ZNF518A: variants seen among roughly 807,000 people sequenced by gnomAD.
ZNF518A encodes the protein zinc finger protein 518.
In ZNF518A, 47 loss-of-function variants were observed where a neutral mutation model predicts 102.7. The ratio of observed to expected loss-of-function variants is 0.46; its 90% CI spans 0.36 to 0.58. The LOEUF (loss-of-function observed/expected upper bound fraction) is 0.58, where lower values mean the gene tolerates loss of function less well. ZNF518A is among the 20% of genes least tolerant of loss of function. The pLI, the probability that ZNF518A is intolerant of heterozygous loss-of-function variation, is 0.00. For missense variants in ZNF518A, 1,793 were observed against 1,699.8 expected (o/e 1.05, Z -0.96); for synonymous variants, 652 against 594.6 (o/e 1.10, Z -1.40).
Position 96,157,380 on chromosome 10 carries a change from A to G in ZNF518A, c.1058A>G (p.Lys353Arg), listed in dbSNP as rs781905413. 1.2e-6 allele frequency: 2 copies of G among 1,611,440 alleles called. No homozygotes were observed. The change falls in exon 6 of 6, where the codon AAA (lysine) becomes AGA (arginine). Residue 353 changes from lysine (K) to arginine (R), a missense_variant. By Grantham distance (26) the Lys-to-Arg change is conservative. Transcript: ENST00000316045. ...ACTCAAGTGCTTAAGAAAATGAACA[A>G]AACACAGACTAAATCTGAAGACCAG... ...KNTQVLKKMN[K>R]TQTKSEDQSH...
At chr10:96,131,674 C>A (rs1219960708) in intron 1 of ZNF518A, among the ~76,000 whole-genome samples, 1 of 152,138 alleles carries the variant, frequency 6.6e-6, no homozygotes, top group Non-Finnish European at 1.5e-5. Context: ...CGTTTTATAT[C>A]TGGTTTTATG....
At chr10:96,132,478 G>GTTTTTTTTTTTTTT (rs377722008) in intron 1 of ZNF518A, 108 bp from the exon 2 acceptor site, 4 of 130,664 alleles carry the variant, frequency 3.1e-5, no homozygotes, top group Admixed American at 7.7e-5. Context: ...TTTTTTCTTA[G>GTTTTTTTTTTTTTT]TTTTTTTTTT....
In ZNF518A at chr10:96,191,044, G is replaced by A. The variant is rs896522682; in HGVS notation, n.36-12530G>A. On this transcript the variant is annotated intron_variant and non_coding_transcript_variant, in intron 1 of 2. Coordinates refer to the ZNF518A transcript ENST00000442635. ...ACCTGGTGGGAGGTAACTGAATCACGCGGGCAGGTTTTCCCATGTTGTTGT... is the reference window on the plus strand; with the variant it reads ...ACCTGGTGGGAGGTAACTGAATCACACGGGCAGGTTTTCCCATGTTGTTGT... Among the ~76,000 whole-genome samples, 11 of 152,174 alleles carry A rather than the reference G, an allele frequency of 7.2e-5. No individual in the cohort carries two copies. In the East Asian group the frequency reaches 7.7e-4, roughly 11 times the overall value.
At chr10:96,141,209 T>C (rs2081907232) in intron 3 of ZNF518A, among the ~76,000 whole-genome samples, 1 of 152,336 alleles carries the variant, frequency 6.6e-6, no homozygotes, top group South Asian at 2.1e-4. Context: ...AGGAAGCTTA[T>C]AAATTATCTG....
intron 1 of ZNF518A, among the ~76,000 whole-genome samples, chr10:96,172,054 T>C (rs2083176777): frequency 6.6e-6 from 1 of 152,140 alleles, no homozygotes; most frequent in African/African-American, 2.4e-5. Flanking sequence ...AAAATGGATA[T>C]TTCAAATAAG....
intron 1 of ZNF518A, among the ~76,000 whole-genome samples, chr10:96,195,760 T>G (rs2083449710): frequency 6.6e-6 from 1 of 152,234 alleles, no homozygotes; most frequent in African/African-American, 2.4e-5. Flanking sequence ...ATTACTGAGC[T>G]GTACACTTAA....
chr10:96,189,530 T>A, intron 1 of ZNF518A: 2 of 655,680 alleles, frequency 3.1e-6, no homozygotes, highest in Non-Finnish European at 5.6e-6. Context: ...TAGGCCCTTT[T>A]GGTGTTTTAC....
intron 1 of ZNF518A, among the ~76,000 whole-genome samples, chr10:96,202,772 C>A (rs2083679567): frequency 6.6e-6 from 1 of 152,196 alleles, no homozygotes; most frequent in Admixed American, 6.5e-5. Flanking sequence ...GTGGTTTCTG[C>A]AGTTCTGGCA....
chr10:96,191,875 A>G, intron 1 of ZNF518A: 3 of 1,501,094 alleles, frequency 2.0e-6, no homozygotes, highest in Non-Finnish European at 2.8e-6. Context: ...TTACTGGATG[A>G]TTCATAATCC....
intron 1 of ZNF518A, among the ~76,000 whole-genome samples, chr10:96,173,493 A>G (rs1453340660): frequency 1.3e-5 from 2 of 152,332 alleles, no homozygotes; most frequent in Non-Finnish European, 2.9e-5. Flanking sequence ...GGGATGAAAC[A>G]ACAAGAATTT....
In ZNF518A at chr10:96,130,463, T is replaced by A. The variant is rs2081270609; in HGVS notation, c.-742T>A. Among the ~76,000 whole-genome samples, 1 of 152,228 alleles carries A rather than the reference T, an allele frequency of 6.6e-6. No homozygotes were observed. Reference sequence around the variant, plus strand: ...GGAGCTGGGTGGGAGTAGGAGACGGTGTGCCTCCGCGCTCCCCGCGGGGCA... The same window carrying A: ...GGAGCTGGGTGGGAGTAGGAGACGGAGTGCCTCCGCGCTCCCCGCGGGGCA... On this transcript the variant is annotated 5_prime_UTR_variant, in exon 1 of 6. Transcript: ENST00000316045.
chr10:96,201,928 G>T (rs1175522863), intron 1 of ZNF518A, among the ~76,000 whole-genome samples: 2 of 152,140 alleles, frequency 1.3e-5, no homozygotes, highest in Admixed American at 6.5e-5. Flanking sequence ...GGTCATAAAT[G>T]CTATGAAGAA....
At chr10:96,170,085 T>C (rs587677069) in intron 1 of ZNF518A, among the ~76,000 whole-genome samples, 3 of 152,334 alleles carry the variant, frequency 2.0e-5, no homozygotes, top group South Asian at 2.1e-4. Flanking sequence ...TGTGAGAGTT[T>C]AGTGCCTTCT....
Position 96,134,032 on chromosome 10 carries a change from T to G in ZNF518A, c.-302+384T>G, listed in dbSNP as rs2081473975. Among the ~76,000 whole-genome samples the G allele has an allele frequency of 3.9e-5, 6 of 152,228 alleles. No individual in the cohort carries two copies. The South Asian group carries it at 1.2e-3, about 31-fold the overall frequency. The stretch of plus-strand genomic sequence containing the variant: ...GAATGCTAAGAATTTTCCTAAAGGT[T>G]GAGCATCCCAAATCTAAAAGCCTGA... On this transcript the variant is annotated intron_variant, in intron 3 of 5. Coordinates refer to ENST00000316045, the MANE Select transcript of ZNF518A (RefSeq NM_001330736.2).
chr10:96,182,563 G>A (rs1482376894), intron 1 of ZNF518A, among the ~76,000 whole-genome samples: 1 of 152,132 alleles, frequency 6.6e-6, no homozygotes, highest in Non-Finnish European at 1.5e-5. Context: ...TTTGTTGCAG[G>A]CCTTTTCTGC....
Position 96,157,685 on chromosome 10 carries a change from C to T in ZNF518A, c.1363C>T (p.His455Tyr), listed in dbSNP as rs1554883729. Residue 455 changes from histidine to tyrosine, a missense_variant, in exon 6 of 6, where the codon CAT becomes TAT. His to Tyr is a moderately conservative substitution (Grantham distance 83, BLOSUM62 2). Coordinates refer to ENST00000316045, the MANE Select transcript of ZNF518A (RefSeq NM_001330736.2). ...CTTCAAGATGATGGATGGAAAACAG[C>T]ATATTGTATTAAAATTGGTGCCTAT... ...MGFKMMDGKQHIVLKLVPIKQ... is the reference protein window; with the variant it reads ...MGFKMMDGKQYIVLKLVPIKQ... 6 of 1,613,854 alleles carry T rather than the reference C, an allele frequency of 3.7e-6. No homozygotes were observed. The highest frequency in any genetic ancestry group is 5.1e-6 in the Non-Finnish European group (6 of 1,179,800).
At chr10:96,189,346 G>GTT (rs2083294414) in intron 1 of ZNF518A, 2 of 552,756 alleles carry the variant, frequency 3.6e-6, no homozygotes, top group South Asian at 2.9e-5. Flanking sequence ...TTAACAAATT[G>GTT]TTTAAACTAT....
intron 1 of ZNF518A, among the ~76,000 whole-genome samples, chr10:96,170,939 A>G (rs1345822904): frequency 1.3e-5 from 2 of 152,154 alleles, no homozygotes; most frequent in African/African-American, 4.8e-5. Flanking sequence ...AAGAAGATAT[A>G]CAAATGGCCA....
intron 1 of ZNF518A, among the ~76,000 whole-genome samples, chr10:96,195,958 G>A (rs1303454721): frequency 6.6e-6 from 1 of 152,214 alleles, no homozygotes; most frequent in Non-Finnish European, 1.5e-5. Context: ...CAGTTACTGT[G>A]CTCTGATTCT....
Sources: gnomAD v4.1 joint callset for allele counts (sites outside exome capture counted in the v4.1 genomes callset) on GRCh38, gnomAD v4.1.1 for gene constraint, MANE v1.5 for transcripts, NCBI Gene and HGNC (gene_info 2026-07-23, HGNC 2026-07-21) for gene names.